The following COX8A variants were observed in gnomAD, a reference collection of about 807,000 sequenced individuals.
The protein encoded by COX8A is cytochrome c oxidase subunit 8A.
A neutral mutation model predicts 4.4 loss-of-function variants in COX8A; 6 were observed. The ratio of observed to expected loss-of-function variants is 1.36; its 90% CI spans 0.74 to 2.68. The LOEUF is 2.68. COX8A is among the 30% of genes most tolerant of loss of function. The pLI is 0.00. For missense variants in COX8A, 72 were observed against 89.6 expected (o/e 0.80, Z 0.79); for synonymous variants, 53 against 47.1 (o/e 1.12, Z -0.51).
intron 1 of COX8A, 122 bp from the exon 2 acceptor site, chr11:63,976,103 C>A: frequency 1.1e-6 from 1 of 873,602 alleles, no homozygotes; most frequent in Admixed American, 1.8e-5. Flanking sequence ...TGCGGGGCCT[C>A]CCACTTGCCT....
intron 1 of COX8A, 59 bp from the exon 2 acceptor site, chr11:63,976,166 C>T: frequency 6.6e-7 from 1 of 1,523,328 alleles, no homozygotes. Flanking sequence ...ACTGCAAGGA[C>T]TTAGAGAGCC....
In COX8A at chr11:63,976,528, A is replaced by C; in HGVS notation, c.*208A>C. On this transcript the variant is annotated 3_prime_UTR_variant, in exon 2 of 2. Transcript: ENST00000314133. ...GTGGGGTCCCCCTTGTAACAATAAA[A>C]TCTATTTAAACTTTACTTCAGAAAT... The C allele has an allele frequency of 5.2e-6, 3 of 573,880 alleles. No individual in the cohort carries two copies. Among genetic ancestry groups the C allele is most frequent in the Non-Finnish European group, 9.4e-6 (3 of 320,730 alleles). The allele number at this position is 573,880 out of a possible 1,614,324, so 35.5% of individuals were successfully genotyped here.
chr11:63,976,468 A>G lies in COX8A; in HGVS notation c.*148A>G, dbSNP rs1026184221. 3 of 704,836 alleles carry G rather than the reference A, an allele frequency of 4.3e-6. No individual in the cohort carries two copies. The African/African-American group carries it at 5.3e-5, about 12-fold the overall frequency. The allele number at this position is 704,836 out of a possible 1,614,324, so 43.7% of individuals were successfully genotyped here. On this transcript the variant is annotated 3_prime_UTR_variant, in exon 2 of 2. Transcript: ENST00000314133. ...GCAATCATGACCTCTTGATGTCTCC[A>G]TGGTGACCTCCTTGGGGGTCACTGA...
intron 1 of COX8A, among the ~76,000 whole-genome samples, chr11:63,975,379 A>C (rs1277692531): frequency 1.3e-5 from 2 of 151,770 alleles, no homozygotes; most frequent in Non-Finnish European, 2.9e-5. Flanking sequence ...GGGTTTCACC[A>C]TGTTGGCCAG....
In COX8A at chr11:63,976,462, G is replaced by A; in HGVS notation, c.*142G>A. 1.4e-6 allele frequency: 1 copy of A among 736,328 alleles called. No homozygotes were observed. The highest frequency in any genetic ancestry group is 1.7e-5 in the African/African-American group (1 of 57,588). 45.6% of individuals were successfully genotyped at this position (736,328 alleles called of 1,614,324 possible). The stretch of plus-strand genomic sequence containing the variant: ...TCTTCTGCAATCATGACCTCTTGAT[G>A]TCTCCATGGTGACCTCCTTGGGGGT... On this transcript the variant is annotated 3_prime_UTR_variant, in exon 2 of 2. Transcript: ENST00000314133.
At chr11:63,976,109 T>C (rs1942538160) in intron 1 of COX8A, 116 bp from the exon 2 acceptor site, 1 of 924,468 alleles carries the variant, frequency 1.1e-6, no homozygotes, top group African/African-American at 1.6e-5. Flanking sequence ...GCCTCCCACT[T>C]GCCTCTGAGT....
chr11:63,974,886 C>A, intron 1 of COX8A, 92 bp downstream of exon 1: 1 of 1,189,012 alleles, frequency 8.4e-7, no homozygotes, highest in Non-Finnish European at 1.2e-6. Flanking sequence ...TGCCTCGCGC[C>A]CCGCAGCGTA....
At chr11:63,976,103 C>G (rs1423186255) in intron 1 of COX8A, 122 bp from the exon 2 acceptor site, 2 of 873,602 alleles carry the variant, frequency 2.3e-6, no homozygotes. Flanking sequence ...TGCGGGGCCT[C>G]CCACTTGCCT....
intron 1 of COX8A, 96 bp downstream of exon 1, chr11:63,974,890 CAGCG>C: frequency 8.6e-7 from 1 of 1,166,002 alleles, no homozygotes; most frequent in Non-Finnish European, 1.2e-6. Context: ...TCGCGCCCCG[CAGCG>C]TAGCGGGGAG....
intron 1 of COX8A, among the ~76,000 whole-genome samples, chr11:63,975,144 A>C (rs758717079): frequency 1.3e-5 from 2 of 152,186 alleles, no homozygotes; most frequent in Non-Finnish European, 2.9e-5. Flanking sequence ...TCAGCGACGA[A>C]AATGGTTGTT....
At position 63,975,805 on chromosome 11, in the gene COX8A, C is replaced by T. The variant is rs530477763; in HGVS notation, c.115-420C>T. 5.3e-5 allele frequency among the ~76,000 whole-genome samples: 8 copies of T among 152,236 alleles called. No homozygotes were observed. The South Asian group carries it at 1.5e-3, about 28-fold the overall frequency. The stretch of plus-strand genomic sequence containing the variant: ...CCATGTTGGTCAGGCTGGTCTCTAA[C>T]TCCTGACCTTGTGATCCGCCCGCCT... On this transcript the variant is annotated intron_variant, in intron 1 of 1. Coordinates refer to ENST00000314133, the MANE Select transcript of COX8A (RefSeq NM_004074.3).
At position 63,974,627 on chromosome 11, in the gene COX8A, C is replaced by A; in HGVS notation, c.-54C>A. 6.5e-7 allele frequency: 1 copy of A among 1,531,984 alleles called. No individual in the cohort carries two copies. Among genetic ancestry groups the A allele is most frequent in the Non-Finnish European group, 8.9e-7 (1 of 1,127,248 alleles). 94.9% of individuals were successfully genotyped at this position (1,531,984 alleles called of 1,614,324 possible). A position where few individuals can be genotyped will look rare whatever the true frequency, so the allele number is the denominator to read the frequency against. On this transcript the variant is annotated 5_prime_UTR_variant, in exon 1 of 2. Transcript: ENST00000314133. The stretch of plus-strand genomic sequence containing the variant: ...CTTCCGGCCAGCGCAGCCATTTTGG[C>A]TTCCTGACCTTGGGCTACGGCTGAC...
intron 1 of COX8A, among the ~76,000 whole-genome samples, chr11:63,975,864 G>A (rs546559133): frequency 6.6e-6 from 1 of 152,300 alleles, no homozygotes; most frequent in East Asian, 1.9e-4. Flanking sequence ...ACAGGTGTGA[G>A]CCACCATGCC....
rs1590772214 is a variant in COX8A at position 63,976,495 on chromosome 11, C to T, written c.*175C>T. On this transcript the variant is annotated 3_prime_UTR_variant, in exon 2 of 2. Transcript: ENST00000314133. ...GGTGACCTCCTTGGGGGTCACTGACCCTGCTTGGTGGGGTCCCCCTTGTAA... is the reference window on the plus strand; with the variant it reads ...GGTGACCTCCTTGGGGGTCACTGACTCTGCTTGGTGGGGTCCCCCTTGTAA... 1 of 610,686 alleles carries T rather than the reference C, an allele frequency of 1.6e-6. No homozygotes were observed. The highest frequency in any genetic ancestry group is 2.9e-6 in the Non-Finnish European group (1 of 344,278). The allele number at this position is 610,686 out of a possible 1,614,324, so 37.8% of individuals were successfully genotyped here.
chr11:63,976,521 C>T lies in COX8A; in HGVS notation c.*201C>T. On this transcript the variant is annotated 3_prime_UTR_variant, in exon 2 of 2. Transcript: ENST00000314133. ...CTGCTTGGTGGGGTCCCCCTTGTAA[C>T]AATAAAATCTATTTAAACTTTACTT... is the stretch of plus-strand genomic sequence containing the variant. The T allele has an allele frequency of 1.7e-6, 1 of 583,170 alleles. No individual in the cohort carries two copies. Among genetic ancestry groups the T allele is most frequent in the South Asian group, 2.0e-5 (1 of 49,322 alleles). The allele number at this position is 583,170 out of a possible 1,614,324, so 36.1% of individuals were successfully genotyped here.
chr11:63,976,076 T>C lies in COX8A; in HGVS notation c.115-149T>C, dbSNP rs1332604917. 1.5e-5 allele frequency: 11 copies of C among 733,256 alleles called. No individual in the cohort carries two copies. In the Middle Eastern group the frequency reaches 7.3e-4, roughly 48 times the overall value. 45.4% of individuals were successfully genotyped at this position (733,256 alleles called of 1,614,324 possible). On this transcript the variant is annotated intron_variant, in intron 1 of 1. Coordinates refer to ENST00000314133, the MANE Select transcript of COX8A (RefSeq NM_004074.3). ...CTCTGTCTGCTCCGTGGAGCGTGGA[T>C]TCCTTTAACGTGAGGATGCGGGGCC...
chr11:63,976,184 A>G, intron 1 of COX8A, 41 bp from the exon 2 acceptor site: 3 of 1,573,110 alleles, frequency 1.9e-6, no homozygotes, highest in Non-Finnish European at 2.6e-6. Context: ...GCCTAGGGGA[A>G]TACTGACTCC....
At chr11:63,975,626 A>G (rs956336827) in intron 1 of COX8A, among the ~76,000 whole-genome samples, 2 of 151,796 alleles carry the variant, frequency 1.3e-5, no homozygotes, top group Non-Finnish European at 2.9e-5. Flanking sequence ...CCCAGGCTGG[A>G]GTGCAGTGGT....
At chr11:63,976,143 C>A in intron 1 of COX8A, 82 bp from the exon 2 acceptor site, 1 of 1,363,606 alleles carries the variant, frequency 7.3e-7, no homozygotes, top group Non-Finnish European at 1.0e-6. Flanking sequence ...GCGGGGCTTT[C>A]TGCTGCCTGG....
Sources: gnomAD v4.1 joint callset for allele counts (sites outside exome capture counted in the v4.1 genomes callset) on GRCh38, gnomAD v4.1.1 for gene constraint, MANE v1.5 for transcripts, NCBI Gene and HGNC (gene_info 2026-07-23, HGNC 2026-07-21) for gene names.